Variants in GRM8 observed in about 807,000 individuals in gnomAD.
The protein encoded by GRM8 is glutamate metabotropic receptor 8, also known as metabotropic glutamate receptor 8.
In GRM8, 47 loss-of-function variants were observed where a neutral mutation model predicts 87.2. The ratio of observed to expected loss-of-function variants is 0.54; its 90% CI spans 0.43 to 0.69. GRM8 has a LOEUF of 0.69. Ranked by LOEUF, GRM8 falls within the 30% of genes least tolerant of loss-of-function variation. GRM8 has a pLI of 0.00. For synonymous variants in GRM8, 396 were observed against 404.5 expected, an observed-to-expected ratio of 0.98 and a Z score of 0.25; for missense variants, 1,019 against 1,139.2, an observed-to-expected ratio of 0.89 and a Z score of 1.52.
In GRM8 at chr7:126,697,346, AT is replaced by A. The variant is rs1809496147; in HGVS notation, c.1357+72518del. Among the ~76,000 whole-genome samples, 3 of 152,110 alleles carry A rather than the reference AT, an allele frequency of 2.0e-5. No homozygotes were observed. In the South Asian group the frequency reaches 6.2e-4, roughly 32 times the overall value. ...TACAGCATGAGGACTACAGCTAATA[AT>A]TTTGTATTATATACTAGAAACTGGC... On this transcript the variant is annotated intron_variant, in intron 7 of 10. Transcript: ENST00000339582.
intron 2 of GRM8, among the ~76,000 whole-genome samples, chr7:127,139,234 C>A (rs943017319): frequency 6.6e-6 from 1 of 152,096 alleles, no homozygotes. Context: ...CAAGACACTG[C>A]ACTTTGTACA....
At position 126,464,397 on chromosome 7, in the gene GRM8, T is replaced by C. The variant is rs182006388; in HGVS notation, c.2431-18025A>G. 3.3e-3 allele frequency among the ~76,000 whole-genome samples: 490 copies of C among 147,964 alleles called. 3 individuals are homozygous for C. Among genetic ancestry groups the C allele is most frequent in the African/African-American group, 0.011 (464 of 40,876 alleles). ...GATCATTGGGTCTTGTAGTTTTTTATTATTTTTTATGATTTTTGAATCGAT... is the reference window on the plus strand; with the variant it reads ...GATCATTGGGTCTTGTAGTTTTTTACTATTTTTTATGATTTTTGAATCGAT... On this transcript the variant is annotated intron_variant, in intron 9 of 10. Coordinates refer to ENST00000339582, the MANE Select transcript of GRM8 (RefSeq NM_000845.3).
intron 2 of GRM8, among the ~76,000 whole-genome samples, chr7:127,157,393 T>C (rs575713193): frequency 1.3e-5 from 2 of 152,266 alleles, no homozygotes; most frequent in Non-Finnish European, 2.9e-5. Flanking sequence ...TTTGGCAATC[T>C]GGTGAATTCT....
chr7:126,809,796 T>C (rs1793123514), intron 6 of GRM8, among the ~76,000 whole-genome samples: 1 of 152,216 alleles, frequency 6.6e-6, no homozygotes, highest in Non-Finnish European at 1.5e-5. Flanking sequence ...AGTGCAACAA[T>C]ATACTCTGAC....
At chr7:126,904,960 T>C (rs1802530665) in intron 3 of GRM8, among the ~76,000 whole-genome samples, 2 of 152,220 alleles carry the variant, frequency 1.3e-5, no homozygotes, top group South Asian at 4.1e-4. Context: ...AGATGTGTGA[T>C]GAGAGTCAAA....
chr7:126,853,234 C>T (rs576011949), intron 6 of GRM8, among the ~76,000 whole-genome samples: 1 of 152,284 alleles, frequency 6.6e-6, no homozygotes, highest in East Asian at 1.9e-4. Flanking sequence ...CTGAATTTGG[C>T]ATCTGCTTTT....
At chr7:126,515,431 T>C (rs971479848) in intron 9 of GRM8, among the ~76,000 whole-genome samples, 7 of 152,124 alleles carry the variant, frequency 4.6e-5, no homozygotes, top group African/African-American at 7.2e-5. Context: ...AAATCAATAA[T>C]GTACACAGTA....
At chr7:126,534,582 T>C (rs541574178) in intron 8 of GRM8, among the ~76,000 whole-genome samples, 6 of 152,192 alleles carry the variant, frequency 3.9e-5, no homozygotes, top group Admixed American at 6.5e-5. Flanking sequence ...GCAGGGAAAT[T>C]AGTACAAATG....
At chr7:126,461,171 C>G (rs1383372624) in intron 9 of GRM8, among the ~76,000 whole-genome samples, 1 of 151,462 alleles carries the variant, frequency 6.6e-6, no homozygotes, top group Admixed American at 6.6e-5. Flanking sequence ...CTTACTGAAG[C>G]CCTGTGTTCT....
rs139057216 is a variant in GRM8 at position 126,545,314 on chromosome 7, T to C, written c.1495-11427A>G. The stretch of plus-strand genomic sequence containing the variant: ...ATGCAAATATGCAGGGCACATATGG[T>C]ATTTGTTGCAAGACTATTGAAGTAG... On this transcript the variant is annotated intron_variant, in intron 8 of 10. Transcript: ENST00000339582. 2.4e-4 allele frequency among the ~76,000 whole-genome samples: 37 copies of C among 152,350 alleles called. No homozygotes were observed. The East Asian group carries it at 4.4e-3, about 18-fold the overall frequency.
chr7:126,861,843 T>C (rs1798164133), intron 6 of GRM8, among the ~76,000 whole-genome samples: 1 of 152,066 alleles, frequency 6.6e-6, no homozygotes, highest in Admixed American at 6.5e-5. Context: ...CTCAAGTATA[T>C]ATAACACAAT....
intron 7 of GRM8, among the ~76,000 whole-genome samples, chr7:126,683,961 G>A (rs1036005763): frequency 3.9e-5 from 6 of 152,174 alleles, no homozygotes; most frequent in Non-Finnish European, 5.9e-5. Context: ...AAAAAGGCAG[G>A]CAATAGTAAC....
intron 8 of GRM8, among the ~76,000 whole-genome samples, chr7:126,592,925 T>C (rs1328200039): frequency 6.6e-6 from 1 of 151,736 alleles, no homozygotes; most frequent in Non-Finnish European, 1.5e-5. Context: ...AGAACTAATA[T>C]CCAAATTCAG....
chr7:126,528,600 A>G (rs1210313127), intron 9 of GRM8, among the ~76,000 whole-genome samples: 1 of 143,058 alleles, frequency 7.0e-6, no homozygotes, highest in Non-Finnish European at 1.5e-5. Flanking sequence ...CACACCATAC[A>G]GAGACAAAAG....
chr7:127,101,549 T>G (rs1030630906), intron 3 of GRM8, among the ~76,000 whole-genome samples: 3 of 152,188 alleles, frequency 2.0e-5, no homozygotes, highest in Non-Finnish European at 2.9e-5. Flanking sequence ...CAACTCTCTC[T>G]TGCTCTTGCT....
chr7:126,882,561 AGAG>A (rs1421296350), intron 6 of GRM8, among the ~76,000 whole-genome samples: 1 of 152,238 alleles, frequency 6.6e-6, no homozygotes, highest in African/African-American at 2.4e-5. Flanking sequence ...TTAAAAGCTA[AGAG>A]GAGAACATTT....
At position 126,439,319 on chromosome 7, in the gene GRM8, T is replaced by C. The variant is rs1801187233; in HGVS notation, c.2678-151A>G. On this transcript the variant is annotated intron_variant, in intron 10 of 10. Coordinates refer to ENST00000339582, the MANE Select transcript of GRM8 (RefSeq NM_000845.3). ...ATTATTTTTAAACCATTCACAGTCA[T>C]GCACAGCACAACGACATTTGAGCTC... 6 of 610,498 alleles carry C rather than the reference T, an allele frequency of 9.8e-6. No individual in the cohort carries two copies. In the East Asian group the frequency reaches 1.4e-4, roughly 14 times the overall value. The allele number at this position is 610,498 out of a possible 1,614,324, so 37.8% of individuals were successfully genotyped here.
intron 6 of GRM8, among the ~76,000 whole-genome samples, chr7:126,848,381 A>G (rs566952865): frequency 6.6e-6 from 1 of 152,308 alleles, no homozygotes; most frequent in South Asian, 2.1e-4. Context: ...TGAATTTTGA[A>G]CACTTAGCAC....
chr7:126,768,696 G>A (rs1387859716), intron 7 of GRM8, among the ~76,000 whole-genome samples: 2 of 152,082 alleles, frequency 1.3e-5, no homozygotes, highest in East Asian at 3.9e-4. Context: ...AGCAATATTA[G>A]ATAAAGGAAG....
Sources: allele counts gnomAD v4.1 joint callset (sites outside exome capture counted in the v4.1 genomes callset), GRCh38; gene constraint gnomAD v4.1.1; transcripts MANE v1.5; gene names NCBI Gene and HGNC (gene_info 2026-07-23, HGNC 2026-07-21).